Variants in CENPW observed in about 807,000 individuals in gnomAD.
CENPW encodes the protein centromere protein W.
A neutral mutation model predicts 11.1 loss-of-function variants in CENPW; 3 were observed. The ratio of observed to expected loss-of-function variants is 0.27; its 90% confidence interval spans 0.12 to 0.70. The LOEUF (loss-of-function observed/expected upper bound fraction) is 0.70, where lower values mean the gene tolerates loss of function less well. CENPW is among the 30% of genes least tolerant of loss of function. CENPW has a pLI of 0.77. For missense variants in CENPW, 100 were observed against 105.6 expected (o/e 0.95, Z 0.23); for synonymous variants, 38 against 42.0 (o/e 0.91, Z 0.37).
At chr6:126,362,284 C>A in the CENPW span, among the ~76,000 whole-genome samples, 1 of 152,126 alleles carries the variant, frequency 6.6e-6, no homozygotes, top group Non-Finnish European at 1.5e-5. Flanking sequence ...GGGCTCTGTG[C>A]CAGTTGAGGC....
At chr6:126,366,473 T>A in the CENPW span, among the ~76,000 whole-genome samples, 1 of 152,330 alleles carries the variant, frequency 6.6e-6, no homozygotes, top group Non-Finnish European at 1.5e-5. Flanking sequence ...TACATTTTTG[T>A]CAGTTTAGAT....
At chr6:126,351,460 C>T (rs577032656), downstream of CENPW, among the ~76,000 whole-genome samples, 17 of 152,016 alleles carry the variant, frequency 1.1e-4, no homozygotes, top group African/African-American at 3.1e-4. Context: ...TTTTCTGTGT[C>T]GTCTGGGGTG....
At chr6:126,381,660 C>T in the CENPW span, among the ~76,000 whole-genome samples, 18 of 152,326 alleles carry the variant, frequency 1.2e-4, no homozygotes, top group Admixed American at 7.8e-4. Context: ...TGCACCTTGC[C>T]GCACTGCTGC....
At chr6:126,433,966 A>AT in the CENPW span, among the ~76,000 whole-genome samples, 1 of 152,268 alleles carries the variant, frequency 6.6e-6, no homozygotes, top group African/African-American at 2.4e-5. Flanking sequence ...AGAGTATATA[A>AT]TTTTGAAGCT....
downstream of CENPW, among the ~76,000 whole-genome samples, chr6:126,350,805 A>C (rs1158415314): frequency 6.6e-6 from 1 of 152,138 alleles, no homozygotes; most frequent in Non-Finnish European, 1.5e-5. Flanking sequence ...TTTAAATCTT[A>C]TTTGTAATGT....
the CENPW span, among the ~76,000 whole-genome samples, chr6:126,361,585 G>A: frequency 2.0e-5 from 3 of 152,278 alleles, no homozygotes; most frequent in African/African-American, 7.2e-5. Context: ...GTGAGCCACC[G>A]CGCCCAGCCT....
At chr6:126,436,646 A>G in the CENPW span, among the ~76,000 whole-genome samples, 258 of 152,006 alleles carry the variant, frequency 1.7e-3, 3 homozygotes, top group South Asian at 5.2e-3. Context: ...TTTTAGATCA[A>G]TGACCTCACA....
At chr6:126,398,777 G>A in the CENPW span, among the ~76,000 whole-genome samples, 3 of 151,496 alleles carry the variant, frequency 2.0e-5, no homozygotes, top group Non-Finnish European at 4.4e-5. Flanking sequence ...ATTAAGCATA[G>A]TACCCAATAT....
the CENPW span, among the ~76,000 whole-genome samples, chr6:126,382,235 CA>C: frequency 6.7e-6 from 1 of 148,762 alleles, no homozygotes; most frequent in African/African-American, 2.5e-5. Flanking sequence ...AAATCCATCT[CA>C]AAAAAAATAT....
At chr6:126,471,025 T>A in the CENPW span, among the ~76,000 whole-genome samples, 2 of 152,184 alleles carry the variant, frequency 1.3e-5, no homozygotes, top group Non-Finnish European at 2.9e-5. Context: ...AATGCTGGAA[T>A]GAGTTAAGAA....
At chr6:126,463,113 C>T in the CENPW span, among the ~76,000 whole-genome samples, 364 of 152,058 alleles carry the variant, frequency 2.4e-3, no homozygotes, top group Non-Finnish European at 4.3e-3. Flanking sequence ...TACTTCGTGA[C>T]ATTATACAGA....
At chr6:126,472,659 A>T in the CENPW span, among the ~76,000 whole-genome samples, 1 of 152,220 alleles carries the variant, frequency 6.6e-6, no homozygotes, top group Non-Finnish European at 1.5e-5. Flanking sequence ...TCTTTGATAA[A>T]TACATAGGAG....
the CENPW span, among the ~76,000 whole-genome samples, chr6:126,457,578 C>G: frequency 6.6e-6 from 1 of 151,186 alleles, no homozygotes; most frequent in Non-Finnish European, 1.5e-5. Flanking sequence ...CTGCTAATAG[C>G]AAGATCTAGC....
chr6:126,396,920 G>C, the CENPW span, among the ~76,000 whole-genome samples: 1 of 151,970 alleles, frequency 6.6e-6, no homozygotes, highest in East Asian at 1.9e-4. Flanking sequence ...TTGAACTAGT[G>C]TCTAAGATGC....
the CENPW span, among the ~76,000 whole-genome samples, chr6:126,473,967 A>C: frequency 6.7e-6 from 1 of 148,338 alleles, no homozygotes; most frequent in Admixed American, 6.8e-5. Context: ...CAGAATATAT[A>C]TAGAATATAC....
At chr6:126,472,959 C>T in the CENPW span, among the ~76,000 whole-genome samples, 1 of 152,182 alleles carries the variant, frequency 6.6e-6, no homozygotes, top group Admixed American at 6.5e-5. Flanking sequence ...CAAATAAACA[C>T]AAGAAAGATG....
At chr6:126,360,680 GT>G in the CENPW span, among the ~76,000 whole-genome samples, 62 of 147,578 alleles carry the variant, frequency 4.2e-4, 1 homozygote, top group South Asian at 6.4e-4. Flanking sequence ...CAAGCTCTGG[GT>G]TTTTTTTTTC....
At chr6:126,427,950 A>C in the CENPW span, among the ~76,000 whole-genome samples, 1 of 152,182 alleles carries the variant, frequency 6.6e-6, no homozygotes, top group Admixed American at 6.5e-5. Context: ...TATTCTAAGA[A>C]AGGGAAGAGC....
At chr6:126,453,822 C>T in the CENPW span, among the ~76,000 whole-genome samples, 1 of 151,114 alleles carries the variant, frequency 6.6e-6, no homozygotes, top group Non-Finnish European at 1.5e-5. Flanking sequence ...ATGTTACAAG[C>T]AATGACACCC....
Sources: allele counts gnomAD v4.1 joint callset (sites outside exome capture counted in the v4.1 genomes callset), GRCh38; gene constraint gnomAD v4.1.1; transcripts MANE v1.5; gene names NCBI Gene and HGNC (gene_info 2026-07-23, HGNC 2026-07-21).